KCNIP4: variants seen among roughly 807,000 people sequenced by gnomAD.
KCNIP4 encodes potassium voltage-gated channel interacting protein 4.
In KCNIP4, 12 loss-of-function variants were observed where a neutral mutation model predicts 34.0. That is an observed-to-expected ratio of 0.35 (90% CI 0.23 to 0.57). The LOEUF (loss-of-function observed/expected upper bound fraction) is 0.57, where lower values mean the gene tolerates loss of function less well. Among genes scored for constraint, KCNIP4 ranks in the 20% least tolerant of loss-of-function variants. The pLI is 0.83. For missense variants in KCNIP4, 238 were observed against 311.7 expected (o/e 0.76, Z 1.78); for synonymous variants, 124 against 102.2 (o/e 1.21, Z -1.29).
intron 1 of KCNIP4, among the ~76,000 whole-genome samples, chr4:21,252,330 G>A (rs879372060): frequency 6.6e-6 from 1 of 151,796 alleles, no homozygotes; most frequent in South Asian, 2.1e-4. Context: ...GTTTCACCAC[G>A]TTGGCCAGGA....
At chr4:21,921,475 A>G (rs1397763978) in intron 1 of KCNIP4, among the ~76,000 whole-genome samples, 1 of 152,266 alleles carries the variant, frequency 6.6e-6, no homozygotes, top group South Asian at 2.1e-4. Context: ...AATATATCCA[A>G]TTCCCTAGTT....
chr4:21,596,501 A>G (rs559187073), intron 1 of KCNIP4, among the ~76,000 whole-genome samples: 2 of 152,226 alleles, frequency 1.3e-5, no homozygotes, highest in South Asian at 2.1e-4. Flanking sequence ...GCATGTTGCT[A>G]AAGTCATAGT....
intron 1 of KCNIP4, among the ~76,000 whole-genome samples, chr4:21,650,997 C>G (rs1747441758): frequency 6.6e-6 from 1 of 152,212 alleles, no homozygotes; most frequent in Admixed American, 6.5e-5. Flanking sequence ...AGTGACTCTC[C>G]TGCTGAATCC....
intron 1 of KCNIP4, among the ~76,000 whole-genome samples, chr4:21,247,315 A>G (rs1002500517): frequency 2.0e-5 from 3 of 151,976 alleles, no homozygotes; most frequent in East Asian, 1.9e-4. Flanking sequence ...TTGCCTAACA[A>G]TTTAAGACTA....
Position 21,350,600 on chromosome 4 carries a change from A to G in KCNIP4, c.62-467891T>C, listed in dbSNP as rs1717911355. ...TGCCCAGTATAAATGGAAGAGCTCT[A>G]ATCTACGAGTGGAGGTGAAGCATCC... On this transcript the variant is annotated intron_variant, in intron 1 of 8. Coordinates refer to ENST00000382152, the MANE Select transcript of KCNIP4 (RefSeq NM_025221.6). Among the ~76,000 whole-genome samples, 3 of 152,216 alleles carry G rather than the reference A, an allele frequency of 2.0e-5. No homozygotes were observed. In the South Asian group the frequency reaches 6.2e-4, roughly 31 times the overall value.
intron 1 of KCNIP4, among the ~76,000 whole-genome samples, chr4:21,620,173 G>A (rs980218964): frequency 6.6e-6 from 1 of 152,150 alleles, no homozygotes; most frequent in Non-Finnish European, 1.5e-5. Flanking sequence ...AAGTGTTAAG[G>A]AGAGTGAAGA....
chr4:21,158,351 A>G (rs1052183791), intron 1 of KCNIP4, among the ~76,000 whole-genome samples: 2 of 144,006 alleles, frequency 1.4e-5, no homozygotes, highest in Non-Finnish European at 3.0e-5. Context: ...CGTTACAAAT[A>G]AAAAAAAATA....
At chr4:20,823,992 C>G (rs1717416432) in intron 3 of KCNIP4, among the ~76,000 whole-genome samples, 1 of 152,156 alleles carries the variant, frequency 6.6e-6, no homozygotes, top group Admixed American at 6.5e-5. Flanking sequence ...ACTGCTACCT[C>G]CTAGCTATGT....
intron 1 of KCNIP4, among the ~76,000 whole-genome samples, chr4:21,545,420 T>A (rs1034308550): frequency 6.6e-6 from 1 of 152,160 alleles, no homozygotes; most frequent in African/African-American, 2.4e-5. Flanking sequence ...AGTTCTGGGT[T>A]ACATGTGCAG....
At chr4:20,960,842 G>A (rs1733777818) in intron 1 of KCNIP4, among the ~76,000 whole-genome samples, 1 of 152,184 alleles carries the variant, frequency 6.6e-6, no homozygotes, top group African/African-American at 2.4e-5. Flanking sequence ...GAGTCAGAGG[G>A]TCCTGTAAGA....
At chr4:21,716,758 C>A (rs1714417425) in intron 1 of KCNIP4, among the ~76,000 whole-genome samples, 1 of 152,084 alleles carries the variant, frequency 6.6e-6, no homozygotes, top group African/African-American at 2.4e-5. Flanking sequence ...GTGACTCATC[C>A]CATGCTAAAA....
intron 1 of KCNIP4, among the ~76,000 whole-genome samples, chr4:21,825,668 T>A (rs755954840): frequency 6.6e-5 from 10 of 152,172 alleles, no homozygotes; most frequent in Admixed American, 6.6e-5. Flanking sequence ...TGAAGGAGAC[T>A]TCCACTATTT....
chr4:21,415,810 G>A lies in KCNIP4; in HGVS notation c.61+532761C>T, dbSNP rs562687693. 9.2e-4 allele frequency among the ~76,000 whole-genome samples: 140 copies of A among 152,212 alleles called. 1 individual carries two copies. The South Asian group carries it at 0.028, about 31-fold the overall frequency. ...CAAACACAAATGGACACAAAACAAA[G>A]ACCCTGGATGGAGCACCTGGTGTGG... On this transcript the variant is annotated intron_variant, in intron 1 of 8. Coordinates refer to ENST00000382152, the MANE Select transcript of KCNIP4 (RefSeq NM_025221.6).
chr4:21,512,003 G>A (rs1220073674), intron 1 of KCNIP4, among the ~76,000 whole-genome samples: 1 of 150,090 alleles, frequency 6.7e-6, no homozygotes, highest in Non-Finnish European at 1.5e-5. Flanking sequence ...ATGGAAGGAA[G>A]TAAGGAGTAG....
At chr4:21,056,151 A>T (rs1232304694) in intron 1 of KCNIP4, among the ~76,000 whole-genome samples, 1 of 152,160 alleles carries the variant, frequency 6.6e-6, no homozygotes, top group Middle Eastern at 3.2e-3. Flanking sequence ...GACAAAACGT[A>T]CATTTGTTGA....
rs377697175 is a variant in KCNIP4, at chr4:20,977,956, C to T, written c.62-95247G>A. ...TGAGCTGTCTGGCCTCTAACCAATT[C>T]GGAAATTTCTTGAAGGCAGTAAAAC... On this transcript the variant is annotated intron_variant, in intron 1 of 8. Transcript: ENST00000382152. 7.9e-5 allele frequency among the ~76,000 whole-genome samples: 12 copies of T among 152,286 alleles called. No individual in the cohort carries two copies. In the East Asian group the frequency reaches 1.4e-3, roughly 17 times the overall value.
At chr4:21,499,764 T>C (rs559127780) in intron 1 of KCNIP4, among the ~76,000 whole-genome samples, 5 of 152,278 alleles carry the variant, frequency 3.3e-5, no homozygotes, top group East Asian at 1.9e-4. Flanking sequence ...AATTACACAG[T>C]CACTTTGAAA....
At chr4:21,711,180 A>G (rs541016260) in intron 1 of KCNIP4, among the ~76,000 whole-genome samples, 28 of 152,158 alleles carry the variant, frequency 1.8e-4, no homozygotes, top group Non-Finnish European at 3.8e-4. Flanking sequence ...ATGCTATAAG[A>G]AAAAGGAAAT....
At chr4:21,048,915 C>T (rs532163828) in intron 1 of KCNIP4, among the ~76,000 whole-genome samples, 34 of 151,746 alleles carry the variant, frequency 2.2e-4, no homozygotes, top group Admixed American at 1.4e-3. Flanking sequence ...TCTAAACAAC[C>T]CCCAGCTCTT....
Sources: allele counts gnomAD v4.1 joint callset (sites outside exome capture counted in the v4.1 genomes callset), GRCh38; gene constraint gnomAD v4.1.1; transcripts MANE v1.5; gene names NCBI Gene and HGNC (gene_info 2026-07-23, HGNC 2026-07-21).